CEP76: variants seen among roughly 807,000 people sequenced by gnomAD.
CEP76 encodes the protein centrosomal protein of 76 kDa.
In CEP76, 55 loss-of-function variants were observed where a neutral mutation model predicts 83.3. The ratio of observed to expected loss-of-function variants is 0.66; its 90% CI spans 0.53 to 0.83. CEP76 has a LOEUF of 0.83. Ranked by LOEUF, CEP76 falls within the 40% of genes least tolerant of loss-of-function variation. The pLI, the probability that CEP76 is intolerant of heterozygous loss-of-function variation, is 0.00. For missense variants in CEP76, 694 were observed against 799.5 expected (o/e 0.87, Z 1.59); for synonymous variants, 270 against 274.5 (o/e 0.98, Z 0.16).
intron 10 of CEP76, 70 bp from the exon 11 acceptor site, chr18:12,674,823 GTTGA>G (rs2039064924): frequency 2.1e-6 from 2 of 963,154 alleles, no homozygotes; most frequent in Non-Finnish European, 1.5e-6. Flanking sequence ...AAATAAAAAT[GTTGA>G]TTATTTTAAT....
intron 10 of CEP76, 74 bp from the exon 11 acceptor site, chr18:12,674,827 A>C (rs1168577391): frequency 1.1e-6 from 1 of 886,722 alleles, no homozygotes; most frequent in African/African-American, 1.7e-5. Flanking sequence ...AAAAATGTTG[A>C]TTATTTTAAT....
chr18:12,698,448 C>T (rs1022607196), intron 4 of CEP76, among the ~76,000 whole-genome samples: 16 of 152,118 alleles, frequency 1.1e-4, no homozygotes, highest in African/African-American at 3.6e-4. Flanking sequence ...GGATTACAGG[C>T]ATGAGCCACC....
At chr18:12,701,263 T>C in intron 1 of CEP76, 150 bp from the exon 2 acceptor site, 1 of 609,000 alleles carries the variant, frequency 1.6e-6, no homozygotes, top group Non-Finnish European at 2.8e-6. Flanking sequence ...AATGAATCTT[T>C]TGAGTACAAA....
intron 5 of CEP76, among the ~76,000 whole-genome samples, 173 bp downstream of exon 5, chr18:12,697,050 A>C (rs2039981620): frequency 4.6e-5 from 7 of 152,210 alleles, no homozygotes; most frequent in Admixed American, 3.9e-4. Context: ...TACTGATATT[A>C]TTCTTCAAGA....
intron 8 of CEP76, chr18:12,685,463 T>C (rs926623448): frequency 1.3e-5 from 2 of 152,072 alleles, no homozygotes; most frequent in African/African-American, 2.4e-5. Context: ...TCACAATAAA[T>C]AAGAAACTAC....
At chr18:12,666,208 T>C (rs1172181341) in intron 12 of CEP76, among the ~76,000 whole-genome samples, 1 of 151,540 alleles carries the variant, frequency 6.6e-6, no homozygotes, top group Admixed American at 6.6e-5. Context: ...TACACCTATA[T>C]TCCCAGCTAC....
chr18:12,681,894 G>A (rs1003165581), intron 8 of CEP76, among the ~76,000 whole-genome samples: 1 of 151,976 alleles, frequency 6.6e-6, no homozygotes, highest in Non-Finnish European at 1.5e-5. Context: ...TACTCAGGAG[G>A]CTGAGGCAGG....
In CEP76 at chr18:12,672,795, G is replaced by GT; in HGVS notation, c.*569dup. On this transcript the variant is annotated 3_prime_UTR_variant, in exon 12 of 12. Transcript: ENST00000262127. ...TAATATTTATGCTTTTCTGGTATTA[G>GT]TTTTTTCCTACTCTTGCTTCAAGGT... is the stretch of plus-strand genomic sequence containing the variant. The GT allele has an allele frequency of 1.0e-6, 1 of 981,730 alleles. No homozygotes were observed. Among genetic ancestry groups the GT allele is most frequent in the Non-Finnish European group, 1.2e-6 (1 of 826,534 alleles). The allele number at this position is 981,730 out of a possible 1,614,324, so 60.8% of individuals were successfully genotyped here. A position where few individuals can be genotyped will look rare whatever the true frequency, so the allele number is the denominator to read the frequency against.
rs1326339897 is a variant in CEP76, at chr18:12,691,391, G to A, written c.901C>T (p.His301Tyr). 2 of 1,606,608 alleles carry A rather than the reference G, an allele frequency of 1.2e-6. No individual in the cohort carries two copies. Among genetic ancestry groups the A allele is most frequent in the African/African-American group, 2.7e-5 (2 of 74,744 alleles). The change falls in exon 7 of 12, where the codon CAC becomes TAC. Residue 301 changes from histidine (H) to tyrosine (Y), a missense_variant. His to Tyr is a moderately conservative substitution (Grantham distance 83). Transcript: ENST00000262127. Reference protein sequence around the residue: ...WREYLQIRPSHNSRLVKIFAQ... With the variant: ...WREYLQIRPSYNSRLVKIFAQ... ...AAAATCTTAACCAGTCGTGAGTTGT[G>A]TGAGGGTCGAATTTGCAAATATTCT...
intron 12 of CEP76, among the ~76,000 whole-genome samples, chr18:12,662,889 A>G (rs758169124): frequency 2.6e-5 from 4 of 152,256 alleles, no homozygotes; most frequent in African/African-American, 4.8e-5. Context: ...AGGCTAAGCA[A>G]TAATCACGTT....
downstream of CEP76, among the ~76,000 whole-genome samples, chr18:12,671,455 T>TA (rs1420217844): frequency 6.6e-6 from 1 of 151,666 alleles, no homozygotes; most frequent in African/African-American, 2.4e-5. Context: ...ATAAAAAACT[T>TA]AAAAAAAATG....
At chr18:12,666,436 GT>G (rs557490556) in intron 12 of CEP76, among the ~76,000 whole-genome samples, 161 of 126,604 alleles carry the variant, frequency 1.3e-3, no homozygotes, top group South Asian at 2.1e-3. Context: ...AAATTTTATG[GT>G]TTTTTTTTTT....
chr18:12,694,919 G>T (rs1169617866), intron 6 of CEP76, among the ~76,000 whole-genome samples: 1 of 151,056 alleles, frequency 6.6e-6, no homozygotes, highest in Non-Finnish European at 1.5e-5. Flanking sequence ...GTTTCACCGT[G>T]TTAGCCAGGA....
At chr18:12,697,097 ACT>A (rs2039983507) in intron 5 of CEP76, 124 bp downstream of exon 5, 1 of 655,350 alleles carries the variant, frequency 1.5e-6, no homozygotes, top group Non-Finnish European at 2.5e-6. Context: ...TCCAATTGTA[ACT>A]CTAACGAAAT....
downstream of CEP76, among the ~76,000 whole-genome samples, chr18:12,672,161 C>G (rs2038964894): frequency 6.7e-6 from 1 of 149,460 alleles, no homozygotes; most frequent in South Asian, 2.1e-4. Flanking sequence ...GCCTCCCATG[C>G]TGGAGTGCAG....
chr18:12,688,822 A>G (rs1440911308), intron 7 of CEP76, among the ~76,000 whole-genome samples: 1 of 152,152 alleles, frequency 6.6e-6, no homozygotes, highest in East Asian at 1.9e-4. Flanking sequence ...CCATCATTGC[A>G]AAAAGTTCTT....
In CEP76 at chr18:12,673,517, A is replaced by C. The variant is rs1485291503; in HGVS notation, c.1842-14T>G. 4 of 1,554,692 alleles carry C rather than the reference A, an allele frequency of 2.6e-6. No homozygotes were observed. Among genetic ancestry groups the C allele is most frequent in the Non-Finnish European group, 3.5e-6 (4 of 1,157,080 alleles). ...CAGAAAGGAGATCTATTTAAGAAAA[A>C]AAAAATTATTCAATTAAGAAGTGAC... On this transcript the variant is annotated splice_polypyrimidine_tract_variant and intron_variant, in intron 11 of 11. Coordinates refer to ENST00000262127, the MANE Select transcript of CEP76 (RefSeq NM_024899.4).
At chr18:12,682,282 C>T (rs1281797317) in intron 8 of CEP76, among the ~76,000 whole-genome samples, 1 of 151,768 alleles carries the variant, frequency 6.6e-6, no homozygotes. Context: ...CTTGATGTCC[C>T]CAGCTCAAGT....
intron 1 of CEP76, among the ~76,000 whole-genome samples, 196 bp from the exon 2 acceptor site, chr18:12,701,309 T>C (rs1399794843): frequency 6.6e-6 from 1 of 152,176 alleles, no homozygotes; most frequent in Non-Finnish European, 1.5e-5. Flanking sequence ...TCTGGCACCT[T>C]TGTTACCATT....
Sources: allele counts gnomAD v4.1 joint callset (sites outside exome capture counted in the v4.1 genomes callset), GRCh38; gene constraint gnomAD v4.1.1; transcripts MANE v1.5; gene names NCBI Gene and HGNC (gene_info 2026-07-23, HGNC 2026-07-21).